Variants in EOGT observed in about 807,000 individuals in gnomAD.
EOGT encodes the protein EGF domain specific O-linked N-acetylglucosamine transferase.
EOGT carries 55 observed loss-of-function variants against 70.5 expected under a neutral mutation model. The ratio of observed to expected loss-of-function variants is 0.78; its 90% CI spans 0.63 to 0.98. EOGT has a LOEUF of 0.98. Ranked by LOEUF, EOGT falls within the 50% of genes least tolerant of loss-of-function variation. The pLI is 0.00. For missense variants in EOGT, 703 were observed against 641.9 expected, an observed-to-expected ratio of 1.10 and a Z score of -1.03; for synonymous variants, 246 against 217.1, an observed-to-expected ratio of 1.13 and a Z score of -1.17.
chr3:68,984,778 G>A (rs1312225070), intron 14 of EOGT, among the ~76,000 whole-genome samples: 1 of 136,822 alleles, frequency 7.3e-6, no homozygotes, highest in African/African-American at 3.7e-5. Context: ...GCATCTACCA[G>A]CACTATACCT....
chr3:68,998,144 T>C, intron 9 of EOGT, 30 bp from the exon 10 acceptor site: 1 of 1,207,226 alleles, frequency 8.3e-7, no homozygotes, highest in Non-Finnish European at 1.2e-6. Flanking sequence ...CTACATTAAT[T>C]AACACCAAAG....
intron 9 of EOGT, among the ~76,000 whole-genome samples, chr3:68,998,593 C>A (rs959377600): frequency 6.6e-6 from 1 of 152,106 alleles, no homozygotes; most frequent in African/African-American, 2.4e-5. Flanking sequence ...GTGGCTCACA[C>A]CTGTAATCAC....
chr3:68,997,782 T>C (rs971485826), intron 10 of EOGT, among the ~76,000 whole-genome samples: 1 of 152,166 alleles, frequency 6.6e-6, no homozygotes, highest in African/African-American at 2.4e-5. Context: ...CCCCACTGCC[T>C]CATTCTAAAA....
chr3:69,007,923 A>G (rs1441377366), intron 5 of EOGT, 102 bp from the exon 6 acceptor site: 1 of 749,590 alleles, frequency 1.3e-6, no homozygotes, highest in Admixed American at 3.1e-5. Flanking sequence ...TTATTACTTT[A>G]ATTTTGTTAC....
chr3:69,001,322 G>A (rs2091287976), intron 9 of EOGT, among the ~76,000 whole-genome samples: 1 of 152,120 alleles, frequency 6.6e-6, no homozygotes, highest in Non-Finnish European at 1.5e-5. Context: ...GAAACCAGAT[G>A]AGGTAAATTT....
In EOGT at chr3:68,978,372, G is replaced by A. The variant is rs1165256319; in HGVS notation, c.1398C>T (p.Ile466=). Residue 466 remains isoleucine, a synonymous_variant, in exon 17 of 18, where the codon ATC becomes ATT. Coordinates refer to ENST00000383701, the MANE Select transcript of EOGT (RefSeq NM_001278689.2). ...DLARLRGVHY[I]TWRRQNKVFP... ...AGACTTTGTTCTGCCGTCGCCAAGT[G>A]ATGTAGTGAACGCCTCTCAGCCTGG... 1.2e-6 allele frequency: 2 copies of A among 1,612,838 alleles called. No homozygotes were observed. The highest frequency in any genetic ancestry group is 1.7e-5 in the Admixed American group (1 of 59,786).
At chr3:68,979,841 G>A in intron 15 of EOGT, 54 bp from the exon 16 acceptor site, 3 of 1,552,522 alleles carry the variant, frequency 1.9e-6, no homozygotes, top group Non-Finnish European at 2.7e-6. Flanking sequence ...GAAGTATTAG[G>A]TTGAGTTAGT....
intron 8 of EOGT, among the ~76,000 whole-genome samples, chr3:69,004,048 C>T (rs979701069): frequency 1.3e-5 from 2 of 152,098 alleles, no homozygotes; most frequent in African/African-American, 4.8e-5. Flanking sequence ...TTGGCATGGA[C>T]GTTTGACCTC....
At chr3:68,988,169 C>T in intron 13 of EOGT, 126 bp downstream of exon 13, 1 of 687,926 alleles carries the variant, frequency 1.5e-6, no homozygotes, top group Admixed American at 2.8e-5. Context: ...CCTGCCTTGG[C>T]CTCCCCAGAA....
chr3:69,004,128 TA>T lies in EOGT; in HGVS notation c.620+249del, dbSNP rs1264710098. 2.6e-5 allele frequency among the ~76,000 whole-genome samples: 4 copies of T among 152,320 alleles called. No individual in the cohort carries two copies. In the East Asian group the frequency reaches 5.8e-4, roughly 22 times the overall value. On this transcript the variant is annotated intron_variant, in intron 8 of 17. Coordinates refer to ENST00000383701, the MANE Select transcript of EOGT (RefSeq NM_001278689.2). ...ATAAAACTTGGCAATTGTGAGTTAA[TA>T]AAAATGGATTTTTAAGCTGATTTTT... is the stretch of plus-strand genomic sequence containing the variant.
At chr3:69,002,866 T>C (rs2091335502) in intron 8 of EOGT, among the ~76,000 whole-genome samples, 1 of 152,122 alleles carries the variant, frequency 6.6e-6, no homozygotes, top group Non-Finnish European at 1.5e-5. Context: ...TGAGGTCTCA[T>C]CATGTTGCTC....
intron 14 of EOGT, 127 bp downstream of exon 14, chr3:68,987,318 G>A (rs1307869423): frequency 8.4e-6 from 6 of 714,804 alleles, no homozygotes; most frequent in Non-Finnish European, 1.2e-5. Context: ...ACCGGGCATA[G>A]GCCATCAAAC....
At chr3:68,983,979 A>G (rs765891949) in intron 14 of EOGT, among the ~76,000 whole-genome samples, 3 of 152,206 alleles carry the variant, frequency 2.0e-5, no homozygotes, top group Non-Finnish European at 4.4e-5. Context: ...AGAAAAAAAC[A>G]TACCAAATAT....
intron 10 of EOGT, among the ~76,000 whole-genome samples, chr3:68,996,060 G>A (rs1306505112): frequency 6.6e-6 from 1 of 152,132 alleles, no homozygotes; most frequent in Admixed American, 6.5e-5. Context: ...GGTGAGTGTG[G>A]CCTGACTTCA....
At chr3:68,993,292 C>T (rs916868273) in intron 10 of EOGT, among the ~76,000 whole-genome samples, 2 of 152,274 alleles carry the variant, frequency 1.3e-5, no homozygotes, top group Non-Finnish European at 2.9e-5. Flanking sequence ...CTTTTGAATA[C>T]TTTCCTGCTT....
At chr3:69,000,382 A>G (rs2091264651) in intron 9 of EOGT, among the ~76,000 whole-genome samples, 3 of 152,200 alleles carry the variant, frequency 2.0e-5, no homozygotes, top group African/African-American at 2.4e-5. Flanking sequence ...TAGCTCACAC[A>G]TATTTGCCAC....
At chr3:69,006,054 G>C (rs939354010) in intron 6 of EOGT, among the ~76,000 whole-genome samples, 1 of 152,184 alleles carries the variant, frequency 6.6e-6, no homozygotes. Context: ...AAGCTACCCA[G>C]TCTATGGTAT....
At position 68,999,145 on chromosome 3, in the gene EOGT, A is replaced by G. The variant is rs187028203; in HGVS notation, c.728-1031T>C. On this transcript the variant is annotated intron_variant, in intron 9 of 17. Coordinates refer to ENST00000383701, the MANE Select transcript of EOGT (RefSeq NM_001278689.2). ...AGTCCCTAAGCTTTAGCTTCTCTAT[A>G]GAAATGGGAAATAGTTACCTAAGTG... Among the ~76,000 whole-genome samples the G allele has an allele frequency of 4.3e-4, 66 of 152,342 alleles. 1 individual carries two copies. Among genetic ancestry groups the G allele is most frequent in the African/African-American group, 1.2e-3 (51 of 41,582 alleles).
intron 10 of EOGT, among the ~76,000 whole-genome samples, chr3:68,994,958 TG>T (rs991840851): frequency 7.9e-5 from 12 of 152,224 alleles, no homozygotes; most frequent in Non-Finnish European, 1.6e-4. Flanking sequence ...GTTTGCAGGT[TG>T]GTGGCCTTGC....
Sources: gnomAD v4.1 joint callset for allele counts (sites outside exome capture counted in the v4.1 genomes callset) on GRCh38, gnomAD v4.1.1 for gene constraint, MANE v1.5 for transcripts, NCBI Gene and HGNC (gene_info 2026-07-23, HGNC 2026-07-21) for gene names.